Variants in UBR2 observed in about 807,000 individuals in gnomAD.
The protein encoded by UBR2 is E3 ubiquitin-protein ligase UBR2.
UBR2 carries 92 observed loss-of-function variants against 247.9 expected under a neutral mutation model. The observed-to-expected ratio is 0.37, with a 90% CI of 0.31 to 0.44. The LOEUF is 0.44. Ranked by LOEUF, UBR2 falls within the 20% of genes least tolerant of loss-of-function variation. UBR2 has a pLI of 1.00. For synonymous variants in UBR2, 672 were observed against 693.5 expected (o/e 0.97, Z 0.49); for missense variants, 1,613 against 2,112.6 (o/e 0.76, Z 4.64).
In UBR2 at chr6:42,679,624, G is replaced by C. The variant is rs59687643; in HGVS notation, c.4610-100G>C. 4,665 of 854,788 alleles carry C rather than the reference G, an allele frequency of 5.5e-3. 144 individuals carry two copies. In the African/African-American group the frequency reaches 0.07, roughly 13 times the overall value. The allele number at this position is 854,788 out of a possible 1,614,324, so 53.0% of individuals were successfully genotyped here. On this transcript the variant is annotated intron_variant, in intron 41 of 46. Transcript: ENST00000372901. Reference sequence around the variant, plus strand: ...AAGTTACGTACCTGGCAAATTGGAAGTCTTTCATCCTTTTTTTTTAAACTC... The same window carrying C: ...AAGTTACGTACCTGGCAAATTGGAACTCTTTCATCCTTTTTTTTTAAACTC...
At position 42,691,716 on chromosome 6, in the gene UBR2, C is replaced by T. The variant is rs1448234245; in HGVS notation, c.*543C>T. On this transcript the variant is annotated 3_prime_UTR_variant, in exon 47 of 47. Coordinates refer to ENST00000372901, the MANE Select transcript of UBR2 (RefSeq NM_001363705.2). Reference sequence around the variant, plus strand: ...ATGAGAGAGTTGGGGGACACACATGCAGAAGAAGCCCGTGGGGAGAAGGTG... The same window carrying T: ...ATGAGAGAGTTGGGGGACACACATGTAGAAGAAGCCCGTGGGGAGAAGGTG... 2.6e-5 allele frequency: 4 copies of T among 151,670 alleles called. No individual in the cohort carries two copies. Among genetic ancestry groups the T allele is most frequent in the Admixed American group, 2.6e-4 (4 of 15,214 alleles). 9.4% of individuals were successfully genotyped at this position (151,670 alleles called of 1,614,324 possible). A position where few individuals can be genotyped will look rare whatever the true frequency, so the allele number is the denominator to read the frequency against.
At chr6:42,588,740 G>C (rs73438683) in intron 2 of UBR2, among the ~76,000 whole-genome samples, 3,548 of 152,180 alleles carry the variant, frequency 0.023, 125 homozygotes, top group African/African-American at 0.08. Context: ...CCCCTCTTCC[G>C]AGATTTTGGT....
At chr6:42,651,130 G>A (rs977257530) in intron 23 of UBR2, among the ~76,000 whole-genome samples, 4 of 151,834 alleles carry the variant, frequency 2.6e-5, no homozygotes, top group African/African-American at 7.3e-5. Context: ...GCTGAGATAG[G>A]AGGATCACTT....
At chr6:42,565,212 A>G (rs1790708512) in intron 1 of UBR2, among the ~76,000 whole-genome samples, 1 of 152,214 alleles carries the variant, frequency 6.6e-6, no homozygotes, top group Non-Finnish European at 1.5e-5. Context: ...AAACTGTAAT[A>G]TGAATATGCT....
At chr6:42,590,035 A>G (rs947096972) in intron 2 of UBR2, among the ~76,000 whole-genome samples, 1 of 152,166 alleles carries the variant, frequency 6.6e-6, no homozygotes, top group Non-Finnish European at 1.5e-5. Context: ...TATTTCTTCA[A>G]ATATTTTTTC....
chr6:42,642,637 A>G (rs948104517), intron 18 of UBR2, among the ~76,000 whole-genome samples, 156 bp downstream of exon 18: 3 of 152,138 alleles, frequency 2.0e-5, no homozygotes, highest in Non-Finnish European at 4.4e-5. Flanking sequence ...CAGCCTTTAG[A>G]TCATTTCCAT....
chr6:42,640,752 CAG>C lies in UBR2; in HGVS notation c.1920+485_1920+486del, dbSNP rs369023296. The stretch of plus-strand genomic sequence containing the variant: ...TTTTTTTATTTTTATTTTTTTGAGA[CAG>C]AGTCTCACTCTGTCACCCAGGCTGG... On this transcript the variant is annotated intron_variant, in intron 16 of 46. Coordinates refer to ENST00000372901, the MANE Select transcript of UBR2 (RefSeq NM_001363705.2). 1.2e-3 allele frequency among the ~76,000 whole-genome samples: 181 copies of C among 151,864 alleles called. 2 individuals are homozygous for C. Among genetic ancestry groups the C allele is most frequent in the African/African-American group, 4.1e-3 (171 of 41,402 alleles).
At chr6:42,632,069 A>ATATATATATAT (rs1554254887) in intron 11 of UBR2, among the ~76,000 whole-genome samples, 28 of 114,070 alleles carry the variant, frequency 2.5e-4, no homozygotes, top group African/African-American at 9.5e-4. Flanking sequence ...AAAAAAAAAA[A>ATATATATATAT]ATATATATAT....
intron 14 of UBR2, among the ~76,000 whole-genome samples, chr6:42,636,781 G>T (rs1447427153): frequency 6.6e-6 from 1 of 152,002 alleles, no homozygotes; most frequent in Non-Finnish European, 1.5e-5. Flanking sequence ...ATGGGGAATG[G>T]GGGAAAGGAG....
Position 42,659,556 on chromosome 6 carries a change from C to CACT in UBR2, c.3243-98_3243-97insTAC. The CACT allele has an allele frequency of 2.5e-6, 2 of 793,958 alleles. No individual in the cohort carries two copies. The highest frequency in any genetic ancestry group is 4.0e-6 in the Non-Finnish European group (2 of 499,600). The allele number at this position is 793,958 out of a possible 1,614,324, so 49.2% of individuals were successfully genotyped here. On this transcript the variant is annotated intron_variant, in intron 29 of 46. Coordinates refer to ENST00000372901, the MANE Select transcript of UBR2 (RefSeq NM_001363705.2). The surrounding 1 kb of genome is among the most constrained non-coding windows in gnomAD (Gnocchi z 4.3). ...ACACACACACACACACACACACACA[C>CACT]ACACACTACACACACACACACATAC...
At position 42,691,886 on chromosome 6, in the gene UBR2, T is replaced by A. The variant is rs1014003330; in HGVS notation, c.*713T>A. On this transcript the variant is annotated 3_prime_UTR_variant, in exon 47 of 47. Transcript: ENST00000372901. ...AGGATGGTCTAAAAAATTAGGATAT[T>A]CTTTTAGAATTAGGAAGAAAAATTA... The A allele has an allele frequency of 6.6e-6, 1 of 151,954 alleles. No individual in the cohort carries two copies. The highest frequency in any genetic ancestry group is 1.5e-5 in the Non-Finnish European group (1 of 67,994). The allele number at this position is 151,954 out of a possible 1,614,324, so 9.4% of individuals were successfully genotyped here.
chr6:42,666,357 A>G (rs950049929), intron 34 of UBR2, 112 bp downstream of exon 34: 2 of 823,126 alleles, frequency 2.4e-6, no homozygotes, highest in Non-Finnish European at 3.8e-6. Flanking sequence ...GTTATAGGAT[A>G]CTGATCTTTA....
At chr6:42,602,164 C>T (rs555386325) in intron 4 of UBR2, among the ~76,000 whole-genome samples, 20 of 151,500 alleles carry the variant, frequency 1.3e-4, no homozygotes, top group East Asian at 1.2e-3. Context: ...CCACCGTGCC[C>T]GGCCAAGCCA....
intron 34 of UBR2, 131 bp from the exon 35 acceptor site, chr6:42,669,961 C>T: frequency 1.8e-6 from 2 of 1,131,372 alleles, no homozygotes; most frequent in East Asian, 2.6e-5. Flanking sequence ...TCTCTGATCA[C>T]TGCATACAAT....
At position 42,647,014 on chromosome 6, in the gene UBR2, G is replaced by T. The variant is rs1016845195; in HGVS notation, c.2410-1104G>T. On this transcript the variant is annotated intron_variant, in intron 21 of 46. Transcript: ENST00000372901. The stretch of plus-strand genomic sequence containing the variant: ...TTTTTGTGTTTTTAGTAGAGATGGG[G>T]GTTCTCTATGTTGTCCAGGCTGGTC... Among the ~76,000 whole-genome samples, 32 of 151,518 alleles carry T rather than the reference G, an allele frequency of 2.1e-4. 1 individual carries two copies. Among genetic ancestry groups the T allele is most frequent in the Admixed American group, 2.0e-3 (31 of 15,176 alleles).
chr6:42,655,195 A>G (rs1469313245), intron 25 of UBR2, among the ~76,000 whole-genome samples: 1 of 152,122 alleles, frequency 6.6e-6, no homozygotes, highest in African/African-American at 2.4e-5. Context: ...TAGTACTTCA[A>G]GGCCGGGCAT....
rs571251163 is a variant in UBR2, at chr6:42,580,564, C to T, written c.338+6571C>T. On this transcript the variant is annotated intron_variant, in intron 2 of 46. Coordinates refer to ENST00000372901, the MANE Select transcript of UBR2 (RefSeq NM_001363705.2). ...AATTGTACATTTTTTTTTTTTGAGA[C>T]AGTCTCATGCTGTTGCCCAGGCTGG... 5.3e-5 allele frequency among the ~76,000 whole-genome samples: 8 copies of T among 150,578 alleles called. No individual in the cohort carries two copies. The East Asian group carries it at 1.2e-3, about 22-fold the overall frequency.
chr6:42,604,403 T>C (rs903125801), intron 5 of UBR2, among the ~76,000 whole-genome samples: 1 of 152,200 alleles, frequency 6.6e-6, no homozygotes, highest in African/African-American at 2.4e-5. Context: ...ATTGGTGCTG[T>C]TTCTTTTTTG....
Position 42,564,411 on chromosome 6 carries a change from C to T in UBR2, c.78+14C>T. On this transcript the variant is annotated intron_variant, in intron 1 of 46. Transcript: ENST00000372901. ...GAGATTGCGGGGGTGAGTGCCGGAA[C>T]CCGGGCGGGTGCGTCTGCCCCTCGC... is the stretch of plus-strand genomic sequence containing the variant. The T allele has an allele frequency of 6.2e-7, 1 of 1,605,570 alleles. No individual in the cohort carries two copies. Among genetic ancestry groups the T allele is most frequent in the Non-Finnish European group, 8.5e-7 (1 of 1,176,574 alleles).
Sources: gnomAD v4.1 joint callset for allele counts (sites outside exome capture counted in the v4.1 genomes callset) on GRCh38, gnomAD v4.1.1 for gene constraint, Gnocchi (gnomAD v3.1) non-coding constraint, MANE v1.5 for transcripts, NCBI Gene and HGNC (gene_info 2026-07-23, HGNC 2026-07-21) for gene names.